Variants in ATRN observed in about 807,000 individuals in gnomAD.
ATRN encodes attractin.
Under a neutral mutation model 178.7 loss-of-function variants are expected in ATRN, and 54 were observed. That is an observed-to-expected ratio of 0.30 (90% CI 0.24 to 0.38). The LOEUF (loss-of-function observed/expected upper bound fraction) is 0.38, where lower values mean the gene tolerates loss of function less well. Ranked by LOEUF, ATRN falls within the 10% of genes least tolerant of loss-of-function variation. The pLI, the probability that ATRN is intolerant of heterozygous loss-of-function variation, is 1.00. For synonymous variants in ATRN, 636 were observed against 663.0 expected (o/e 0.96, Z 0.63); for missense variants, 1,443 against 1,815.1 (o/e 0.79, Z 3.73).
At chr20:3,471,609 GACA>G (rs2084424491) in intron 1 of ATRN, 92 bp downstream of exon 1, 1 of 1,342,300 alleles carries the variant, frequency 7.4e-7, no homozygotes, top group Admixed American at 4.1e-5. Flanking sequence ...GGAGATGCTG[GACA>G]GAAAGTGGAG....
At position 3,578,712 on chromosome 20, in the gene ATRN, C is replaced by T; in HGVS notation, c.2484C>T (p.Thr828=). The T allele has an allele frequency of 6.2e-7, 1 of 1,614,072 alleles. No individual in the cohort carries two copies. The highest frequency in any genetic ancestry group is 1.1e-5 in the South Asian group (1 of 91,074). The change falls in exon 15 of 29, where the codon ACC becomes ACT. Residue 828 remains threonine, a synonymous_variant. Coordinates refer to ENST00000262919, the MANE Select transcript of ATRN (RefSeq NM_139321.3). ...NHNALLASLT[T]QKKVEFVLKQ... ...ATGCCCTTTTGGCTTCTCTTACAAC[C>T]CAGAAGAAGGTAGAATTTGTCCTTA...
intron 24 of ATRN, among the ~76,000 whole-genome samples, chr20:3,617,598 C>G (rs148414179): frequency 5.5e-4 from 83 of 152,138 alleles, no homozygotes; most frequent in Non-Finnish European, 4.9e-4. Flanking sequence ...ACGGAAGGAT[C>G]ACTTGAAGCC....
chr20:3,596,337 T>C (rs2086528204), intron 20 of ATRN, 40 bp from the exon 21 acceptor site: 9 of 1,571,954 alleles, frequency 5.7e-6, no homozygotes, highest in Non-Finnish European at 7.9e-6. Context: ...TCAGTTTCTG[T>C]TTTAAATAGC....
At chr20:3,551,797 A>G (rs2085791331) in intron 6 of ATRN, among the ~76,000 whole-genome samples, 1 of 151,944 alleles carries the variant, frequency 6.6e-6, no homozygotes, top group South Asian at 2.1e-4. Context: ...AATGATTTCC[A>G]CAAACTCCTA....
At chr20:3,562,160 A>T in intron 8 of ATRN, 116 bp from the exon 9 acceptor site, 1 of 829,646 alleles carries the variant, frequency 1.2e-6, no homozygotes, top group Non-Finnish European at 1.9e-6. Context: ...AAAGATAAAA[A>T]AGTATATGTA....
rs1194823292 is a variant in ATRN, at chr20:3,584,852, A to T, written c.3156A>T (p.Arg1052Ser). Reference protein sequence around the residue: ...LNSSMCLEDSRYNWSFIHCPA... With the variant: ...LNSSMCLEDSSYNWSFIHCPA... Reference sequence around the variant, plus strand: ...CCAGCATGTGTCTAGAGGACAGCAGATACAACTGGTCTTTCATTCACTGTC... The same window carrying T: ...CCAGCATGTGTCTAGAGGACAGCAGTTACAACTGGTCTTTCATTCACTGTC... The change falls in exon 18 of 29, where the codon AGA becomes AGT. Residue 1052 changes from arginine (R) to serine (S), a missense_variant. Transcript: ENST00000262919. 1.9e-6 allele frequency: 3 copies of T among 1,614,208 alleles called. No homozygotes were observed. The highest frequency in any genetic ancestry group is 2.5e-6 in the Non-Finnish European group (3 of 1,180,026).
At chr20:3,565,796 CAAAAAAAAA>C (rs10582104) in intron 11 of ATRN, among the ~76,000 whole-genome samples, 6 of 100,240 alleles carry the variant, frequency 6.0e-5, no homozygotes, top group African/African-American at 1.2e-4. Flanking sequence ...GACTCTGTCT[CAAAAAAAAA>C]AAAAAAAAAA....
chr20:3,493,372 C>T (rs1256134739), intron 1 of ATRN, among the ~76,000 whole-genome samples: 6 of 150,444 alleles, frequency 4.0e-5, no homozygotes, highest in African/African-American at 1.5e-4. Context: ...GATGCCTAGG[C>T]TAGTTTTGAA....
rs746175264 is a variant in ATRN, at chr20:3,575,951, C to G, written c.2214+3C>G. 22 of 1,612,606 alleles carry G rather than the reference C, an allele frequency of 1.4e-5. No individual in the cohort carries two copies. The highest frequency in any genetic ancestry group is 1.6e-5 in the Non-Finnish European group (19 of 1,179,582). On this transcript the variant is annotated splice_donor_region_variant and intron_variant, in intron 13 of 28. Transcript: ENST00000262919. The stretch of plus-strand genomic sequence containing the variant: ...ACCACAGCTGCTCAGAAGGCCAGGT[C>G]AGAGGCTGTTTCTTAAAGATTTCAG...
chr20:3,487,915 G>C (rs1250846755), intron 1 of ATRN, among the ~76,000 whole-genome samples: 1 of 152,034 alleles, frequency 6.6e-6, no homozygotes, highest in Admixed American at 6.6e-5. Flanking sequence ...GCTCTTTAAG[G>C]GTTCCACCCT....
At chr20:3,549,561 A>G (rs766246897) in intron 6 of ATRN, among the ~76,000 whole-genome samples, 2 of 152,220 alleles carry the variant, frequency 1.3e-5, no homozygotes, top group African/African-American at 4.8e-5. Flanking sequence ...CTCTTTTCAA[A>G]TACTGTCTCT....
At chr20:3,631,945 C>T (rs2086992433) in intron 25 of ATRN, among the ~76,000 whole-genome samples, 1 of 152,272 alleles carries the variant, frequency 6.6e-6, no homozygotes, top group African/African-American at 2.4e-5. Context: ...CTCAACTTCT[C>T]ATTGTTAGGG....
Position 3,645,437 on chromosome 20 carries a change from T to G in ATRN, c.4165+1169T>G, listed in dbSNP as rs540146769. On this transcript the variant is annotated intron_variant, in intron 28 of 28. Transcript: ENST00000262919. The surrounding 1 kb of genome is among the most constrained non-coding windows in gnomAD (Gnocchi z 4.7). ...TGTTGAGGACAGGACAACTCTCTCG[T>G]CTGTCACTCAAGTGCAGTTTGTGTC... is the stretch of plus-strand genomic sequence containing the variant. Among the ~76,000 whole-genome samples, 11 of 152,204 alleles carry G rather than the reference T, an allele frequency of 7.2e-5. No individual in the cohort carries two copies. Among genetic ancestry groups the G allele is most frequent in the Non-Finnish European group, 1.6e-4 (11 of 68,030 alleles).
In ATRN at chr20:3,645,527, G is replaced by A. The variant is rs1042759304; in HGVS notation, c.4166-1196G>A. On this transcript the variant is annotated intron_variant, in intron 28 of 28. Transcript: ENST00000262919. The surrounding 1 kb of genome is among the most constrained non-coding windows in gnomAD (Gnocchi z 4.7). The stretch of plus-strand genomic sequence containing the variant: ...CCCTGAGGGCAGGGTGGCGGCTGGG[G>A]CGGCAAGGTGACAGGTGTGCAGCCC... 1.3e-5 allele frequency among the ~76,000 whole-genome samples: 2 copies of A among 152,206 alleles called. No individual in the cohort carries two copies. The highest frequency in any genetic ancestry group is 4.8e-5 in the African/African-American group (2 of 41,456).
intron 1 of ATRN, among the ~76,000 whole-genome samples, chr20:3,501,128 GA>G (rs1480107484): frequency 6.6e-6 from 1 of 152,044 alleles, no homozygotes; most frequent in Non-Finnish European, 1.5e-5. Flanking sequence ...TATTGTTCTG[GA>G]AGCATGCATT....
At chr20:3,601,415 C>T (rs1239717955) in intron 23 of ATRN, among the ~76,000 whole-genome samples, 8 of 152,042 alleles carry the variant, frequency 5.3e-5, no homozygotes, top group Non-Finnish European at 1.5e-5. Flanking sequence ...TCAAATGATT[C>T]GTTTCAATAA....
At chr20:3,533,032 G>A (rs552362993) in intron 1 of ATRN, among the ~76,000 whole-genome samples, 1 of 152,328 alleles carries the variant, frequency 6.6e-6, no homozygotes, top group South Asian at 2.1e-4. Flanking sequence ...AAAGTGCTGG[G>A]ATTACAGGCG....
Position 3,646,951 on chromosome 20 carries a change from A to G in ATRN, c.*104A>G, listed in dbSNP as rs1600177375. 2 of 1,418,576 alleles carry G rather than the reference A, an allele frequency of 1.4e-6. No homozygotes were observed. Among genetic ancestry groups the G allele is most frequent in the African/African-American group, 2.9e-5 (2 of 69,838 alleles). The allele number at this position is 1,418,576 out of a possible 1,614,324, so 87.9% of individuals were successfully genotyped here. A position where few individuals can be genotyped will look rare whatever the true frequency, so the allele number is the denominator to read the frequency against. ...GAAATGGCTGTGCGGTGCGGGACGGAAGACTGGAAACCCTCAAAGCATCTG... is the reference window on the plus strand; with the variant it reads ...GAAATGGCTGTGCGGTGCGGGACGGGAGACTGGAAACCCTCAAAGCATCTG... On this transcript the variant is annotated 3_prime_UTR_variant, in exon 29 of 29. Coordinates refer to ENST00000262919, the MANE Select transcript of ATRN (RefSeq NM_139321.3).
rs116257235 is a variant in ATRN at position 3,644,790 on chromosome 20, G to A, written c.4165+522G>A. ...TTTAAATATAAGGCACAAACACAAC[G>A]ATAACATAAAGGAAACGTCTGAAAA... On this transcript the variant is annotated intron_variant, in intron 28 of 28. Transcript: ENST00000262919. Among the ~76,000 whole-genome samples, 393 of 152,232 alleles carry A rather than the reference G, an allele frequency of 2.6e-3. 1 individual carries two copies. Among genetic ancestry groups the A allele is most frequent in the African/African-American group, 8.8e-3 (364 of 41,524 alleles).
Sources: gnomAD v4.1 joint callset for allele counts (sites outside exome capture counted in the v4.1 genomes callset) on GRCh38, gnomAD v4.1.1 for gene constraint, Gnocchi (gnomAD v3.1) non-coding constraint, MANE v1.5 for transcripts, NCBI Gene and HGNC (gene_info 2026-07-23, HGNC 2026-07-21) for gene names.